Variants in PPP2R2D observed in about 807,000 individuals in gnomAD.
PPP2R2D encodes protein phosphatase 2 regulatory subunit Bdelta.
Under a neutral mutation model 31.1 loss-of-function variants are expected in PPP2R2D, and 9 were observed. The observed-to-expected ratio is 0.29, with a 90% CI of 0.17 to 0.51. The LOEUF (loss-of-function observed/expected upper bound fraction) is 0.51, where lower values mean the gene tolerates loss of function less well. Ranked by LOEUF, PPP2R2D falls within the 20% of genes least tolerant of loss-of-function variation. The pLI is 0.98. For missense variants in PPP2R2D, 391 were observed against 465.6 expected, an observed-to-expected ratio of 0.84 and a Z score of 1.48; for synonymous variants, 179 against 172.6, an observed-to-expected ratio of 1.04 and a Z score of -0.29.
At chr10:131,970,941 T>C in the PPP2R2D span, 1 of 1,614,216 alleles carries the variant, frequency 6.2e-7, no homozygotes, top group Non-Finnish European at 8.5e-7. This position sits in a 1 kb window ranked among gnomAD's most constrained non-coding sequence, Gnocchi z 4.1. Flanking sequence ...TTTCAACTTC[T>C]TTCCTTCTTT....
intron 2 of PPP2R2D, among the ~76,000 whole-genome samples, chr10:131,927,687 G>A (rs535739644): frequency 1.7e-3 from 256 of 152,190 alleles, no homozygotes; most frequent in Non-Finnish European, 3.0e-3. Context: ...ATCGCACATC[G>A]GACACCCCGT....
chr10:131,902,347 C>T (rs1396212588), intron 2 of PPP2R2D, among the ~76,000 whole-genome samples: 1 of 152,102 alleles, frequency 6.6e-6, no homozygotes, highest in Non-Finnish European at 1.5e-5. Flanking sequence ...TGTTCACTTC[C>T]CTCCATCTCG....
In PPP2R2D at chr10:131,956,247, G is replaced by A. The variant is rs1363045326; in HGVS notation, c.*284G>A. On this transcript the variant is annotated 3_prime_UTR_variant, in exon 9 of 9. Coordinates refer to ENST00000455566, the MANE Select transcript of PPP2R2D (RefSeq NM_018461.5). ...AGAATAAATGTATTTATTTCAGTCC[G>A]AGCCTTCCTTTCCAATTTATAGACC... 18 of 1,122,620 alleles carry A rather than the reference G, an allele frequency of 1.6e-5. No homozygotes were observed. Among genetic ancestry groups the A allele is most frequent in the East Asian group, 4.7e-5 (1 of 21,456 alleles). 69.5% of individuals were successfully genotyped at this position (1,122,620 alleles called of 1,614,324 possible). A position where few individuals can be genotyped will look rare whatever the true frequency, so the allele number is the denominator to read the frequency against.
chr10:131,909,812 T>C (rs2035653748), intron 2 of PPP2R2D, among the ~76,000 whole-genome samples: 1 of 152,242 alleles, frequency 6.6e-6, no homozygotes, highest in Admixed American at 6.5e-5. Context: ...TATTTGAAAT[T>C]AAAACAGAAC....
intron 3 of PPP2R2D, among the ~76,000 whole-genome samples, chr10:131,937,536 T>C (rs1442561515): frequency 1.3e-5 from 2 of 151,894 alleles, no homozygotes; most frequent in Admixed American, 6.6e-5. Flanking sequence ...TCTGGGAGTG[T>C]TGGAGAAGGC....
chr10:131,942,866 TC>T (rs1422103029), intron 5 of PPP2R2D, among the ~76,000 whole-genome samples: 2 of 152,202 alleles, frequency 1.3e-5, no homozygotes, highest in African/African-American at 4.8e-5. Context: ...AACTGACTCT[TC>T]TTGCTCTAGA....
chr10:131,956,099 G>A lies in PPP2R2D; in HGVS notation c.*136G>A. The A allele has an allele frequency of 7.9e-7, 1 of 1,267,184 alleles. No homozygotes were observed. Among genetic ancestry groups the A allele is most frequent in the Non-Finnish European group, 9.9e-7 (1 of 1,007,968 alleles). 78.5% of individuals were successfully genotyped at this position (1,267,184 alleles called of 1,614,324 possible). A position where few individuals can be genotyped will look rare whatever the true frequency, so the allele number is the denominator to read the frequency against. ...CTTCCCTTCACAGACACAGGAGAAA[G>A]CCGCCTCCGCTGGAGGCCCGGTGTG... is the stretch of plus-strand genomic sequence containing the variant. On this transcript the variant is annotated 3_prime_UTR_variant, in exon 9 of 9. Transcript: ENST00000455566.
chr10:131,907,185 T>G (rs1321103524), intron 2 of PPP2R2D, among the ~76,000 whole-genome samples: 1 of 152,100 alleles, frequency 6.6e-6, no homozygotes, highest in African/African-American at 2.4e-5. Flanking sequence ...GCATTTGGTA[T>G]TTATTCATTT....
Position 131,934,487 on chromosome 10 carries a change from T to A in PPP2R2D, c.130T>A (p.Tyr44Asn), listed in dbSNP as rs1554896168. 1.3e-6 allele frequency: 1 copy of A among 780,198 alleles called. No individual in the cohort carries two copies. The highest frequency in any genetic ancestry group is 2.4e-6 in the Non-Finnish European group (1 of 417,884). 48.3% of individuals were successfully genotyped at this position (780,198 alleles called of 1,614,324 possible). A position where few individuals can be genotyped will look rare whatever the true frequency, so the allele number is the denominator to read the frequency against. ...ADIISTVEFN[Y>N]SGDLLATGDK... is the part of the protein sequence containing the mutation. ...CATCATTTCCACCGTTGAGTTTAAT[T>A]ACTCTGGAGATCTTCTTGCAACAGG... The change falls in exon 3 of 9, where the codon TAC (tyrosine) becomes AAC (asparagine). Residue 44 changes from tyrosine to asparagine, a missense_variant. By Grantham distance (143) the Tyr-to-Asn change is moderately radical. Transcript: ENST00000455566.
At chr10:131,948,250 A>G (rs367857165) in intron 8 of PPP2R2D, among the ~76,000 whole-genome samples, 1 of 152,190 alleles carries the variant, frequency 6.6e-6, no homozygotes, top group African/African-American at 2.4e-5. Context: ...TGAAACACCA[A>G]TGTAATTTAT....
intron 2 of PPP2R2D, 78 bp from the exon 3 acceptor site, chr10:131,934,380 C>T: frequency 1.4e-6 from 1 of 706,648 alleles, no homozygotes; most frequent in South Asian, 1.6e-5. Context: ...TCCTTTTGCT[C>T]TTTTTTATTA....
chr10:131,936,492 G>C (rs2036343645), intron 3 of PPP2R2D, among the ~76,000 whole-genome samples: 2 of 152,200 alleles, frequency 1.3e-5, no homozygotes, highest in Non-Finnish European at 2.9e-5. Flanking sequence ...CTATCTTAAT[G>C]CAAGACTTCA....
At chr10:131,916,053 C>G (rs2035772892) in intron 2 of PPP2R2D, among the ~76,000 whole-genome samples, 1 of 152,180 alleles carries the variant, frequency 6.6e-6, no homozygotes, top group Admixed American at 6.5e-5. Flanking sequence ...AAGTACTGAT[C>G]ACAGTCAAAT....
intron 3 of PPP2R2D, among the ~76,000 whole-genome samples, chr10:131,936,206 G>T (rs1186491188): frequency 1.3e-5 from 2 of 151,854 alleles, no homozygotes; most frequent in African/African-American, 4.8e-5. Flanking sequence ...GGAGTGCAAT[G>T]GCGTGATCTT....
intron 2 of PPP2R2D, among the ~76,000 whole-genome samples, chr10:131,922,407 A>G (rs924207454): frequency 6.6e-6 from 1 of 151,674 alleles, no homozygotes; most frequent in Non-Finnish European, 1.5e-5. Context: ...CAATGTATGT[A>G]TACTTTAGAC....
At chr10:131,935,911 A>G (rs546138777) in intron 3 of PPP2R2D, among the ~76,000 whole-genome samples, 1 of 152,108 alleles carries the variant, frequency 6.6e-6, no homozygotes, top group South Asian at 2.1e-4. Flanking sequence ...GAAAAATACA[A>G]AATTAGCCGG....
downstream of PPP2R2D, among the ~76,000 whole-genome samples, chr10:131,960,542 C>G (rs1382732533): frequency 6.6e-6 from 1 of 152,208 alleles, no homozygotes; most frequent in Non-Finnish European, 1.5e-5. Context: ...ATGTGCGTGT[C>G]TGTCTGTCCT....
At chr10:131,919,164 C>T (rs1324807337) in intron 2 of PPP2R2D, among the ~76,000 whole-genome samples, 3 of 122,420 alleles carry the variant, frequency 2.5e-5, no homozygotes, top group Admixed American at 8.4e-5. Context: ...AGGGATCTCA[C>T]GTGGGTGGAA....
At chr10:131,915,614 G>C (rs530080748) in intron 2 of PPP2R2D, among the ~76,000 whole-genome samples, 2 of 152,286 alleles carry the variant, frequency 1.3e-5, no homozygotes, top group Admixed American at 1.3e-4. Context: ...CCCTGCTCTT[G>C]AGTGTTTATC....
Sources: gnomAD v4.1 joint callset for allele counts (sites outside exome capture counted in the v4.1 genomes callset) on GRCh38, gnomAD v4.1.1 for gene constraint, Gnocchi (gnomAD v3.1) non-coding constraint, MANE v1.5 for transcripts, NCBI Gene and HGNC (gene_info 2026-07-23, HGNC 2026-07-21) for gene names.